TMPRSS12: variants seen among roughly 807,000 people sequenced by gnomAD.
TMPRSS12 encodes the protein transmembrane protease serine 12.
In TMPRSS12, 25 loss-of-function variants were observed where a neutral mutation model predicts 26.0. That is an observed-to-expected ratio of 0.96 (90% CI 0.70 to 1.34). TMPRSS12 has a LOEUF of 1.34. Among genes scored for constraint, TMPRSS12 ranks in the 40% most tolerant of loss-of-function variants. The probability of loss-of-function intolerance (pLI) is 0.00; values close to 1 mark genes in which losing one functional copy is unlikely to be tolerated. For missense variants in TMPRSS12, 441 were observed against 440.1 expected (o/e 1.00, Z -0.02); for synonymous variants, 150 against 161.7 (o/e 0.93, Z 0.55).
At chr12:50,875,489 C>CAAAAAAAAAAAAAAA (rs56816598) in intron 3 of TMPRSS12, among the ~76,000 whole-genome samples, 1 of 69,470 alleles carries the variant, frequency 1.4e-5, no homozygotes, top group Non-Finnish European at 2.6e-5. Context: ...GACTCCATCT[C>CAAAAAAAAAAAAAAA]AAAAAAAAAA....
intron 2 of TMPRSS12, among the ~76,000 whole-genome samples, chr12:50,854,004 C>T (rs539438347): frequency 6.6e-6 from 1 of 152,176 alleles, no homozygotes; most frequent in African/African-American, 2.4e-5. Flanking sequence ...ATAACTGAAA[C>T]CTGCCAGAGA....
chr12:50,848,204 G>A (rs1009970072), intron 2 of TMPRSS12: 26 of 148,108 alleles, frequency 1.8e-4, no homozygotes, highest in Non-Finnish European at 3.7e-4. Context: ...AAAAAGCCTT[G>A]CCAAGTCAAT....
intron 3 of TMPRSS12, among the ~76,000 whole-genome samples, chr12:50,882,994 A>G (rs1178946158): frequency 2.0e-5 from 3 of 152,230 alleles, no homozygotes; most frequent in African/African-American, 7.2e-5. Context: ...TTTCAAACAA[A>G]TTATTAGTAA....
intron 3 of TMPRSS12, among the ~76,000 whole-genome samples, chr12:50,872,252 G>A (rs1351513101): frequency 6.6e-6 from 1 of 151,920 alleles, no homozygotes; most frequent in Non-Finnish European, 1.5e-5. Context: ...GGTGGCTCAC[G>A]CCTGTAATCC....
chr12:50,857,817 CGTTGTTGTTGTTGTT>C (rs547869410), intron 2 of TMPRSS12, among the ~76,000 whole-genome samples: 2 of 96,862 alleles, frequency 2.1e-5, no homozygotes, highest in African/African-American at 7.3e-5. Flanking sequence ...TCGTTGTTGT[CGTTGTTGTTGTTGTT>C]GTTGTTGTTG....
At chr12:50,862,191 G>C (rs918516871) in intron 3 of TMPRSS12, among the ~76,000 whole-genome samples, 1 of 152,124 alleles carries the variant, frequency 6.6e-6, no homozygotes, top group African/African-American at 2.4e-5. Flanking sequence ...GTTGTTTTGA[G>C]AATTAAATTA....
chr12:50,881,305 G>A (rs1938161870), intron 3 of TMPRSS12, among the ~76,000 whole-genome samples: 1 of 152,012 alleles, frequency 6.6e-6, no homozygotes. Context: ...CTTAAGTGTG[G>A]GGCTGGAGCT....
chr12:50,858,509 T>C (rs1408829323), intron 2 of TMPRSS12, among the ~76,000 whole-genome samples: 1 of 152,236 alleles, frequency 6.6e-6, no homozygotes, highest in Non-Finnish European at 1.5e-5. Context: ...ATACCACATA[T>C]TGAATAATTC....
intron 4 of TMPRSS12, chr12:50,886,838 C>A (rs1012682556): frequency 1.1e-4 from 17 of 156,866 alleles, no homozygotes; most frequent in African/African-American, 4.1e-4. Flanking sequence ...AAACCACACA[C>A]GTGCCTAAAA....
At chr12:50,870,848 TTG>T in intron 3 of TMPRSS12, among the ~76,000 whole-genome samples, 2 of 96,104 alleles carry the variant, frequency 2.1e-5, no homozygotes, top group African/African-American at 6.7e-5. Context: ...TTCATGATAG[TTG>T]CAAAAAAAAA....
rs1412879689 is a variant in TMPRSS12, at chr12:50,843,036, G to A, written c.72G>A (p.Ser24=). The change falls in exon 1 of 5, where the codon TCG becomes TCA. Residue 24 remains serine (S), a synonymous_variant. Transcript: ENST00000398458. ...GSSHLYSDHY[S]PSGRHRLGPS... ...CTCACTTATACTCAGACCACTACTC[G>A]CCCTCTGGAAGGCACAGGCTCGGCC... The A allele has an allele frequency of 3.7e-6, 6 of 1,605,492 alleles. No individual in the cohort carries two copies. The highest frequency in any genetic ancestry group is 1.6e-4 in the Middle Eastern group (1 of 6,080).
intron 2 of TMPRSS12, among the ~76,000 whole-genome samples, chr12:50,847,216 G>C (rs1415201701): frequency 1.3e-5 from 2 of 151,954 alleles, no homozygotes; most frequent in African/African-American, 2.4e-5. Context: ...CCCCCACCAT[G>C]CCTGGCTAAT....
At chr12:50,870,851 CA>C (rs55702806) in intron 3 of TMPRSS12, among the ~76,000 whole-genome samples, 44,590 of 138,524 alleles carry the variant, frequency 0.32, 6,660 homozygotes, top group East Asian at 0.5. Context: ...ATGATAGTTG[CA>C]AAAAAAAAAA....
At chr12:50,859,819 C>T (rs987997520) in intron 3 of TMPRSS12, among the ~76,000 whole-genome samples, 14 of 152,204 alleles carry the variant, frequency 9.2e-5, no homozygotes, top group African/African-American at 3.4e-4. Context: ...TATGTAAGTG[C>T]ACTCTTATCA....
At position 50,858,785 on chromosome 12, in the gene TMPRSS12, C is replaced by T. The variant is rs373180169; in HGVS notation, c.384C>T (p.Ser128=). ...LTAAHCTKDA[S]DPLMWTAVIG... Reference sequence around the variant, plus strand: ...AATAAGAATGTTTACTTTCTTTCAGCGATCCTTTAATGTGGACAGCTGTGA... The same window carrying T: ...AATAAGAATGTTTACTTTCTTTCAGTGATCCTTTAATGTGGACAGCTGTGA... Residue 128 remains serine (S), a splice_region_variant and synonymous_variant, in exon 3 of 5, where the codon AGC becomes AGT. Coordinates refer to ENST00000398458, the MANE Select transcript of TMPRSS12 (RefSeq NM_182559.3). The T allele has an allele frequency of 7.1e-5, 108 of 1,529,284 alleles. No individual in the cohort carries two copies. The highest frequency in any genetic ancestry group is 1.8e-4 in the Admixed American group (8 of 43,496). 94.7% of individuals were successfully genotyped at this position (1,529,284 alleles called of 1,614,324 possible). A position where few individuals can be genotyped will look rare whatever the true frequency, so the allele number is the denominator to read the frequency against.
intron 3 of TMPRSS12, among the ~76,000 whole-genome samples, chr12:50,883,858 T>A (rs1938198199): frequency 6.6e-6 from 1 of 151,970 alleles, no homozygotes; most frequent in Non-Finnish European, 1.5e-5. Flanking sequence ...AACAATTAGC[T>A]GGGCATGATG....
intron 3 of TMPRSS12, among the ~76,000 whole-genome samples, chr12:50,883,074 A>G (rs1938191166): frequency 6.6e-6 from 1 of 152,244 alleles, no homozygotes; most frequent in African/African-American, 2.4e-5. Flanking sequence ...CACATCTGTC[A>G]TCTCAGCACT....
intron 2 of TMPRSS12, among the ~76,000 whole-genome samples, chr12:50,851,592 A>T (rs890684096): frequency 1.5e-4 from 23 of 152,192 alleles, no homozygotes; most frequent in African/African-American, 5.5e-4. Context: ...TAAAAGAGGG[A>T]CAGAGAGCAA....
intron 2 of TMPRSS12, among the ~76,000 whole-genome samples, chr12:50,854,966 A>G (rs1286604373): frequency 1.3e-5 from 2 of 152,228 alleles, no homozygotes; most frequent in African/African-American, 4.8e-5. Flanking sequence ...AAACTATTCT[A>G]AAATTCACGT....
Sources: allele counts gnomAD v4.1 joint callset (sites outside exome capture counted in the v4.1 genomes callset), GRCh38; gene constraint gnomAD v4.1.1; transcripts MANE v1.5; gene names NCBI Gene and HGNC (gene_info 2026-07-23, HGNC 2026-07-21).